Variants in PREP observed in about 807,000 individuals in gnomAD.
PREP encodes the protein prolyl endopeptidase.
Under a neutral mutation model 87.6 loss-of-function variants are expected in PREP, and 29 were observed. The ratio of observed to expected loss-of-function variants is 0.33; its 90% CI spans 0.25 to 0.45. The LOEUF is 0.45. Among genes scored for constraint, PREP ranks in the 20% least tolerant of loss-of-function variants. The pLI is 1.00. For missense variants in PREP, 695 were observed against 886.5 expected, an observed-to-expected ratio of 0.78 and a Z score of 2.74; for synonymous variants, 337 against 328.6, an observed-to-expected ratio of 1.03 and a Z score of -0.28.
intron 2 of PREP, among the ~76,000 whole-genome samples, chr6:105,380,205 G>A: frequency 6.6e-6 from 1 of 152,182 alleles, no homozygotes; most frequent in East Asian, 1.9e-4. Flanking sequence ...TGAGGACTGA[G>A]AGGGAGCAAC....
At chr6:105,350,109 T>C (rs1043261233) in intron 7 of PREP, among the ~76,000 whole-genome samples, 3 of 152,118 alleles carry the variant, frequency 2.0e-5, no homozygotes, top group Non-Finnish European at 2.9e-5. Flanking sequence ...AATCTGCAGA[T>C]AGACTTTTTT....
chr6:105,318,986 T>C (rs1376412481), intron 10 of PREP, among the ~76,000 whole-genome samples: 1 of 152,232 alleles, frequency 6.6e-6, no homozygotes, highest in East Asian at 1.9e-4. Flanking sequence ...AAAGCCTATA[T>C]GCTAGCAAGC....
intron 7 of PREP, among the ~76,000 whole-genome samples, chr6:105,343,359 C>T (rs1375517225): frequency 1.3e-5 from 2 of 152,142 alleles, no homozygotes; most frequent in Admixed American, 1.3e-4. Flanking sequence ...TTCCTTATAC[C>T]TTATACAAAA....
chr6:105,331,755 G>C (rs1771340294), intron 8 of PREP, among the ~76,000 whole-genome samples: 1 of 152,190 alleles, frequency 6.6e-6, no homozygotes, highest in South Asian at 2.1e-4. Context: ...AATCTGTTCT[G>C]TGACTCGTGG....
chr6:105,395,536 T>C (rs968837004), intron 2 of PREP, among the ~76,000 whole-genome samples: 1 of 152,190 alleles, frequency 6.6e-6, no homozygotes, highest in African/African-American at 2.4e-5. Flanking sequence ...GCCTGGCACA[T>C]GGTAACCATC....
intron 7 of PREP, among the ~76,000 whole-genome samples, chr6:105,336,252 CCT>C (rs1314637698): frequency 1.3e-5 from 2 of 152,162 alleles, no homozygotes; most frequent in Non-Finnish European, 2.9e-5. Context: ...AGAACGAGAC[CCT>C]GTCTCAAGAA....
At chr6:105,393,619 C>T (rs1299411135) in intron 2 of PREP, among the ~76,000 whole-genome samples, 1 of 151,920 alleles carries the variant, frequency 6.6e-6, no homozygotes, top group Non-Finnish European at 1.5e-5. Flanking sequence ...GCTACATATA[C>T]AATTTAAAAA....
chr6:105,401,713 G>A (rs144098495), intron 1 of PREP, among the ~76,000 whole-genome samples: 7 of 152,226 alleles, frequency 4.6e-5, no homozygotes, highest in African/African-American at 1.7e-4. Flanking sequence ...GTTACCAGAT[G>A]GCCACTGGTC....
intron 10 of PREP, among the ~76,000 whole-genome samples, chr6:105,292,710 C>T (rs913116265): frequency 1.3e-5 from 2 of 152,200 alleles, no homozygotes; most frequent in African/African-American, 4.8e-5. Flanking sequence ...ATATCTTCTC[C>T]CAATATAAGG....
At chr6:105,370,950 T>G (rs945133091) in intron 5 of PREP, among the ~76,000 whole-genome samples, 1 of 152,224 alleles carries the variant, frequency 6.6e-6, no homozygotes, top group Non-Finnish European at 1.5e-5. Flanking sequence ...TGGATACATG[T>G]CACTATACAT....
At chr6:105,381,696 A>C (rs939978113) in intron 2 of PREP, among the ~76,000 whole-genome samples, 3 of 149,978 alleles carry the variant, frequency 2.0e-5, no homozygotes, top group African/African-American at 7.6e-5. Flanking sequence ...GTAGCTGCTC[A>C]AAACTAAGAA....
intron 4 of PREP, among the ~76,000 whole-genome samples, chr6:105,375,209 T>TA (rs898347904): frequency 3.3e-5 from 5 of 152,098 alleles, no homozygotes; most frequent in African/African-American, 1.2e-4. Context: ...AGTGTTTGTA[T>TA]AAAAAAGGGT....
In PREP at chr6:105,282,581, A is replaced by G. The variant is rs147742121; in HGVS notation, c.1551T>C (p.Gly517=). ...GGEYGETWHK[G]GILANKQNCF... ...AGTTTTGTTTGTTGGCCAAGATACC[A>G]CCTACAGTGTGCCAAAGTGGAAGAT... Residue 517 remains glycine, a splice_region_variant and synonymous_variant, in exon 13 of 15, where the codon GGT becomes GGC. Coordinates refer to ENST00000652536, the MANE Select transcript of PREP (RefSeq NM_002726.5). 509 of 1,611,206 alleles carry G rather than the reference A, an allele frequency of 3.2e-4. No homozygotes were observed. The highest frequency in any genetic ancestry group is 2.6e-3 in the Middle Eastern group (16 of 6,048).
chr6:105,364,836 G>A (rs55791198), intron 6 of PREP, among the ~76,000 whole-genome samples: 4,484 of 152,268 alleles, frequency 0.029, 211 homozygotes, highest in African/African-American at 0.1. Flanking sequence ...CACAGACACT[G>A]TAAAAACTGT....
chr6:105,352,951 G>A (rs1771996994), intron 7 of PREP, 21 bp downstream of exon 7: 1 of 1,574,448 alleles, frequency 6.4e-7, no homozygotes, highest in African/African-American at 1.4e-5. Context: ...ATAACTATCT[G>A]TGTCTGAAAA....
In PREP at chr6:105,278,419, C is replaced by T. The variant is rs750170373; in HGVS notation, c.1858G>A (p.Val620Met). 1 of 1,613,350 alleles carries T rather than the reference C, an allele frequency of 6.2e-7. No individual in the cohort carries two copies. Among genetic ancestry groups the T allele is most frequent in the Non-Finnish European group, 8.5e-7 (1 of 1,179,332 alleles). ...ATGTCATCTGCTTCTGGTAACTTCA[C>T]ATTATGCAATGGAGAGTATCTGGAA... The part of the protein sequence containing the change: ...WLVKYSPLHN[V>M]KLPEADDIQY... The change falls in exon 15 of 15, where the codon GTG (valine) becomes ATG (methionine). Residue 620 changes from valine to methionine, a missense_variant. Transcript: ENST00000652536. This position sits in a 1 kb window ranked among gnomAD's most constrained non-coding sequence, Gnocchi z 4.2.
At chr6:105,279,413 A>G (rs1770023856) in intron 14 of PREP, among the ~76,000 whole-genome samples, 1 of 152,210 alleles carries the variant, frequency 6.6e-6, no homozygotes, top group Non-Finnish European at 1.5e-5. Flanking sequence ...TCTTCCAAAT[A>G]TGGGTTAGTT....
intron 10 of PREP, among the ~76,000 whole-genome samples, chr6:105,303,935 T>C (rs1770599674): frequency 6.6e-6 from 1 of 152,230 alleles, no homozygotes; most frequent in African/African-American, 2.4e-5. Flanking sequence ...ACATTATTTA[T>C]TTTACTTGAC....
Position 105,278,609 on chromosome 6 carries a change from G to A in PREP, c.1839-171C>T, listed in dbSNP as rs999512553. ...AGGCCATGACTGGCAAGGGCTCCTGGAAACTGGGGAGCTGTGTCATTTATG... is the reference window on the plus strand; with the variant it reads ...AGGCCATGACTGGCAAGGGCTCCTGAAAACTGGGGAGCTGTGTCATTTATG... On this transcript the variant is annotated intron_variant, in intron 14 of 14. Coordinates refer to ENST00000652536, the MANE Select transcript of PREP (RefSeq NM_002726.5). This position sits in a 1 kb window ranked among gnomAD's most constrained non-coding sequence, Gnocchi z 4.2. 6.6e-6 allele frequency among the ~76,000 whole-genome samples: 1 copy of A among 151,192 alleles called. No homozygotes were observed. Among genetic ancestry groups the A allele is most frequent in the Non-Finnish European group, 1.5e-5 (1 of 67,726 alleles).
Sources: gnomAD v4.1 joint callset for allele counts (sites outside exome capture counted in the v4.1 genomes callset) on GRCh38, gnomAD v4.1.1 for gene constraint, Gnocchi (gnomAD v3.1) non-coding constraint, MANE v1.5 for transcripts, NCBI Gene and HGNC (gene_info 2026-07-23, HGNC 2026-07-21) for gene names.